The following CDH2 variants were observed in gnomAD, a reference collection of about 807,000 sequenced individuals.
CDH2 encodes the protein cadherin-2.
A neutral mutation model predicts 92.0 loss-of-function variants in CDH2; 17 were observed. That is an observed-to-expected ratio of 0.18 (90% CI 0.13 to 0.28). The LOEUF (loss-of-function observed/expected upper bound fraction) is 0.28, where lower values mean the gene tolerates loss of function less well. CDH2 is among the 10% of genes least tolerant of loss of function. The probability of loss-of-function intolerance (pLI) is 1.00; values close to 1 mark genes in which losing one functional copy is unlikely to be tolerated. For synonymous variants in CDH2, 419 were observed against 415.9 expected, an observed-to-expected ratio of 1.01 and a Z score of -0.09; for missense variants, 862 against 1,133.1, an observed-to-expected ratio of 0.76 and a Z score of 3.44.
intron 1 of CDH2, among the ~76,000 whole-genome samples, chr18:28,157,609 AC>A (rs1422626596): frequency 6.6e-6 from 1 of 152,196 alleles, no homozygotes; most frequent in Non-Finnish European, 1.5e-5. Flanking sequence ...GCATTCACAT[AC>A]ATTGACACAT....
intron 2 of CDH2, among the ~76,000 whole-genome samples, chr18:28,130,929 G>C (rs2015758197): frequency 6.6e-6 from 1 of 152,114 alleles, no homozygotes; most frequent in South Asian, 2.1e-4. Context: ...TAAAAATTTA[G>C]AATCAGACAC....
At chr18:28,163,868 A>C (rs2016340847) in intron 1 of CDH2, among the ~76,000 whole-genome samples, 1 of 152,218 alleles carries the variant, frequency 6.6e-6, no homozygotes, top group African/African-American at 2.4e-5. Flanking sequence ...AGCAATGAAT[A>C]AATGTTAGAA....
At chr18:27,968,370 C>G (rs182263215) in intron 14 of CDH2, among the ~76,000 whole-genome samples, 46 of 152,182 alleles carry the variant, frequency 3.0e-4, no homozygotes, top group African/African-American at 1.1e-3. Context: ...TGAAGAAATG[C>G]ACGAAAGAGT....
At chr18:27,977,877 G>A (rs1341469530) in intron 14 of CDH2, among the ~76,000 whole-genome samples, 1 of 152,086 alleles carries the variant, frequency 6.6e-6, no homozygotes, top group African/African-American at 2.4e-5. Flanking sequence ...TAAAAAAAAA[G>A]CAATGGATAA....
intron 15 of CDH2, among the ~76,000 whole-genome samples, chr18:27,959,215 A>G (rs2011334705): frequency 6.6e-6 from 1 of 152,090 alleles, no homozygotes; most frequent in Non-Finnish European, 1.5e-5. Flanking sequence ...ACAGAATGAA[A>G]CTCTCAGTTG....
At chr18:28,128,356 G>C (rs2015710905) in intron 2 of CDH2, among the ~76,000 whole-genome samples, 3 of 152,048 alleles carry the variant, frequency 2.0e-5, no homozygotes, top group Non-Finnish European at 4.4e-5. Context: ...TAAAATATCA[G>C]ATATACGTGT....
intron 14 of CDH2, among the ~76,000 whole-genome samples, chr18:27,973,616 AG>A (rs1392494203): frequency 2.6e-5 from 4 of 152,338 alleles, no homozygotes; most frequent in South Asian, 4.1e-4. Context: ...TGAGGTAAAA[AG>A]GGTTCTCATA....
intron 2 of CDH2, among the ~76,000 whole-genome samples, chr18:28,108,128 G>A (rs958595082): frequency 3.9e-5 from 6 of 151,958 alleles, no homozygotes; most frequent in Non-Finnish European, 7.4e-5. Context: ...CAGGTTTCAA[G>A]AAGTAAAAAC....
At chr18:28,138,818 G>A (rs1435984650) in intron 2 of CDH2, among the ~76,000 whole-genome samples, 1 of 152,060 alleles carries the variant, frequency 6.6e-6, no homozygotes, top group Admixed American at 6.6e-5. Context: ...TCACCAGTGG[G>A]TAAAAATTTT....
chr18:28,162,957 A>C (rs1380585725), intron 1 of CDH2, among the ~76,000 whole-genome samples: 2 of 152,214 alleles, frequency 1.3e-5, no homozygotes, highest in African/African-American at 4.8e-5. Flanking sequence ...TGTGTCGGCT[A>C]TCTAGAAGGT....
At chr18:28,143,736 C>G (rs2015990939) in intron 2 of CDH2, among the ~76,000 whole-genome samples, 1 of 151,896 alleles carries the variant, frequency 6.6e-6, no homozygotes, top group Admixed American at 6.6e-5. Flanking sequence ...ATCAGGAAAC[C>G]TGGGTTCTAA....
At chr18:28,157,019 A>G (rs2016230112) in intron 1 of CDH2, among the ~76,000 whole-genome samples, 1 of 152,220 alleles carries the variant, frequency 6.6e-6, no homozygotes, top group Admixed American at 6.5e-5. Flanking sequence ...GGAGCTTACC[A>G]TGAAGTGGAT....
At chr18:27,959,399 A>G (rs975021239) in intron 15 of CDH2, 2 of 152,226 alleles carry the variant, frequency 1.3e-5, no homozygotes, top group Admixed American at 6.5e-5. Flanking sequence ...AATCACCACT[A>G]TATTATTCTT....
intron 6 of CDH2, among the ~76,000 whole-genome samples, chr18:27,944,129 TAACA>T (rs1339386832): frequency 1.5e-4 from 23 of 152,172 alleles, no homozygotes; most frequent in African/African-American, 5.5e-4. Flanking sequence ...CCACGGATGT[TAACA>T]AAATGTCTTT....
chr18:28,090,482 C>T lies in CDH2; in HGVS notation c.172+57191G>A, dbSNP rs28365303. On this transcript the variant is annotated intron_variant, in intron 2 of 15. Transcript: ENST00000269141. ...CTTCCAAGGTCATACCACTGGCTAG[C>T]GAGAACACTGAGGACTACAGCTTCT... Among the ~76,000 whole-genome samples the T allele has an allele frequency of 9.2e-5, 14 of 152,240 alleles. No individual in the cohort carries two copies. The East Asian group carries it at 1.9e-3, about 21-fold the overall frequency.
chr18:28,130,207 T>C (rs2015743391), intron 2 of CDH2, among the ~76,000 whole-genome samples: 1 of 152,202 alleles, frequency 6.6e-6, no homozygotes, highest in African/African-American at 2.4e-5. Context: ...ACTGAAGGAC[T>C]GTGGGCATGA....
At position 28,070,024 on chromosome 18, in the gene CDH2, G is replaced by A. The variant is rs544315578; in HGVS notation, c.173-56115C>T. 7.2e-5 allele frequency among the ~76,000 whole-genome samples: 11 copies of A among 152,272 alleles called. No individual in the cohort carries two copies. The South Asian group carries it at 2.3e-3, about 32-fold the overall frequency. The stretch of plus-strand genomic sequence containing the variant: ...CCTAGTAGGCAGAGGCGAATCAATA[G>A]ACTAGGAAACACGGCAACTAACCAG... On this transcript the variant is annotated intron_variant, in intron 2 of 15. Coordinates refer to ENST00000269141, the MANE Select transcript of CDH2 (RefSeq NM_001792.5).
At chr18:27,990,404 CTGTAGT>C in intron 9 of CDH2, 54 bp from the exon 10 acceptor site, 2 of 1,530,922 alleles carry the variant, frequency 1.3e-6, no homozygotes, top group Non-Finnish European at 1.8e-6. Flanking sequence ...TGCTTGCATT[CTGTAGT>C]TTATTCCTCT....
chr18:28,026,593 T>C (rs2013559820), intron 2 of CDH2, among the ~76,000 whole-genome samples: 1 of 152,126 alleles, frequency 6.6e-6, no homozygotes, highest in African/African-American at 2.4e-5. Flanking sequence ...TGGAAATTAT[T>C]CTTCCTCAGC....
Sources: gnomAD v4.1 joint callset for allele counts (sites outside exome capture counted in the v4.1 genomes callset) on GRCh38, gnomAD v4.1.1 for gene constraint, MANE v1.5 for transcripts, NCBI Gene and HGNC (gene_info 2026-07-23, HGNC 2026-07-21) for gene names.